The following UGT1A7 variants were observed in gnomAD, a reference collection of about 807,000 sequenced individuals.
UGT1A7 encodes the protein UDP-glucuronosyltransferase 1A7.
Under a neutral mutation model 45.6 loss-of-function variants are expected in UGT1A7, and 33 were observed. The observed-to-expected ratio is 0.72, with a 90% CI of 0.55 to 0.97. The LOEUF (loss-of-function observed/expected upper bound fraction) is 0.97, where lower values mean the gene tolerates loss of function less well. Among genes scored for constraint, UGT1A7 ranks in the 50% least tolerant of loss-of-function variants. UGT1A7 has a pLI of 0.00. For missense variants in UGT1A7, 684 were observed against 666.2 expected (o/e 1.03, Z -0.29); for synonymous variants, 274 against 250.6 (o/e 1.09, Z -0.88).
intron 1 of UGT1A7, among the ~76,000 whole-genome samples, chr2:233,748,454 G>C (rs780753495): frequency 1.7e-4 from 26 of 151,822 alleles, no homozygotes; most frequent in Non-Finnish European, 3.7e-4. Flanking sequence ...ATTTTCAGGG[G>C]AAAGATGATG....
chr2:233,755,298 C>T (rs1354075673), intron 1 of UGT1A7: 3 of 620,036 alleles, frequency 4.8e-6, no homozygotes, highest in Non-Finnish European at 7.5e-6. Context: ...CTGCGGGGCA[C>T]TGGCACAGCG....
chr2:233,733,733 C>T (rs1439271515), intron 1 of UGT1A7, among the ~76,000 whole-genome samples: 1 of 152,152 alleles, frequency 6.6e-6, no homozygotes, highest in Non-Finnish European at 1.5e-5. Flanking sequence ...ATTTTTGCAT[C>T]GATGTTCATC....
intron 1 of UGT1A7, among the ~76,000 whole-genome samples, chr2:233,727,388 C>T (rs1479838653): frequency 6.6e-6 from 1 of 152,174 alleles, no homozygotes; most frequent in Admixed American, 6.5e-5. Flanking sequence ...GTACCACCGT[C>T]TTCCAAGATA....
chr2:233,760,170 G>C (rs1168690539), intron 1 of UGT1A7: 1 of 1,531,450 alleles, frequency 6.5e-7, no homozygotes, highest in Non-Finnish European at 8.8e-7. Context: ...TTTGTGGACT[G>C]ACAGCTTTTT....
At chr2:233,747,347 G>A (rs1693638720) in intron 1 of UGT1A7, 5 of 1,603,376 alleles carry the variant, frequency 3.1e-6, no homozygotes, top group Non-Finnish European at 4.3e-6. Context: ...CTCGCATGCG[G>A]GAGGCCGTGC....
chr2:233,682,089 G>A lies in UGT1A7; in HGVS notation c.152G>A (p.Arg51Lys). 2 of 1,614,054 alleles carry A rather than the reference G, an allele frequency of 1.2e-6. No individual in the cohort carries two copies. Among genetic ancestry groups the A allele is most frequent in the South Asian group, 2.2e-5 (2 of 91,084 alleles). ...TCGGTGGTGGAGAAACTCATCCTCA[G>A]GGGGCATGAGGTGGTCGTAGTCATG... ...MQSVVEKLIL[R>K]GHEVVVVMPE... Residue 51 changes from arginine (R) to lysine (K), a missense_variant, in exon 1 of 5, where the codon AGG becomes AAG. By Grantham distance (26) the Arg-to-Lys change is conservative. Coordinates refer to ENST00000373426, the MANE Select transcript of UGT1A7 (RefSeq NM_019077.3).
chr2:233,765,890 G>A lies in UGT1A7; in HGVS notation c.856-1144G>A, dbSNP rs114846960. ...CGGGAGGGGCTCACTTTCTCAGTGC[G>A]CCACTGCTCAAACCTCTAGGGGAGC... On this transcript the variant is annotated intron_variant, in intron 1 of 4. Coordinates refer to ENST00000373426, the MANE Select transcript of UGT1A7 (RefSeq NM_019077.3). Among the ~76,000 whole-genome samples, 153 of 152,130 alleles carry A rather than the reference G, an allele frequency of 1.0e-3. 1 individual carries two copies. The highest frequency in any genetic ancestry group is 3.4e-3 in the African/African-American group (143 of 41,508).
chr2:233,768,083 C>A, intron 3 of UGT1A7, 137 bp from the exon 4 acceptor site: 1 of 1,591,312 alleles, frequency 6.3e-7, no homozygotes, highest in Non-Finnish European at 8.6e-7. Flanking sequence ...GGTATCTCAA[C>A]CCACATTTTC....
At chr2:233,703,913 C>T (rs1307467754) in intron 1 of UGT1A7, among the ~76,000 whole-genome samples, 1 of 150,364 alleles carries the variant, frequency 6.7e-6, no homozygotes, top group Non-Finnish European at 1.5e-5. Context: ...TTTTTTGAGA[C>T]AAAATCTCAT....
intron 1 of UGT1A7, among the ~76,000 whole-genome samples, chr2:233,732,958 C>G (rs75520741): frequency 0.048 from 7,267 of 152,142 alleles, 252 homozygotes; most frequent in East Asian, 0.16. Flanking sequence ...AATGTTCTTC[C>G]ATTTGTTTGT....
At chr2:233,720,555 T>C (rs1276086879) in intron 1 of UGT1A7, among the ~76,000 whole-genome samples, 1 of 152,144 alleles carries the variant, frequency 6.6e-6, no homozygotes, top group Non-Finnish European at 1.5e-5. Flanking sequence ...CAAGTTTCTA[T>C]AGTGGGATCT....
intron 1 of UGT1A7, chr2:233,755,329 C>G (rs1159047004): frequency 4.3e-6 from 2 of 468,526 alleles, no homozygotes; most frequent in African/African-American, 2.0e-5. Flanking sequence ...CTGCCAGCAC[C>G]CGCGCACAGG....
At chr2:233,766,900 T>A (rs1336240432) in intron 1 of UGT1A7, 134 bp from the exon 2 acceptor site, 2 of 1,488,982 alleles carry the variant, frequency 1.3e-6, no homozygotes, top group Admixed American at 4.8e-5. Flanking sequence ...ATATTAATAA[T>A]TTTTTACTCT....
chr2:233,685,495 G>T (rs997076638), intron 1 of UGT1A7, among the ~76,000 whole-genome samples: 4 of 152,164 alleles, frequency 2.6e-5, no homozygotes, highest in African/African-American at 9.7e-5. Context: ...CTGGGATGTG[G>T]TTACAGCAAG....
At chr2:233,713,549 GT>G (rs1302335966) in intron 1 of UGT1A7, 3 of 1,613,868 alleles carry the variant, frequency 1.9e-6, no homozygotes, top group Non-Finnish European at 2.5e-6. Context: ...AGGGCACACA[GT>G]GTCCAAACCC....
intron 1 of UGT1A7, among the ~76,000 whole-genome samples, chr2:233,724,349 A>T (rs1243720800): frequency 1.6e-5 from 2 of 126,414 alleles, no homozygotes; most frequent in Admixed American, 7.8e-5. Flanking sequence ...GACCCCCCCC[A>T]CCTCCCTCCC....
At chr2:233,703,677 A>AT (rs1271383463) in intron 1 of UGT1A7, among the ~76,000 whole-genome samples, 3 of 151,838 alleles carry the variant, frequency 2.0e-5, no homozygotes, top group Non-Finnish European at 4.4e-5. Flanking sequence ...TTCATGATAT[A>AT]TTTTTTTTCC....
chr2:233,685,188 TA>T (rs1428567524), intron 1 of UGT1A7, among the ~76,000 whole-genome samples: 7 of 152,116 alleles, frequency 4.6e-5, no homozygotes, highest in Admixed American at 4.6e-4. Context: ...AGGAGAACAT[TA>T]AAACGGTTTT....
Position 233,747,423 on chromosome 2 carries a change from C to G in UGT1A7, c.856-19611C>G, listed in dbSNP as rs561242685. On this transcript the variant is annotated intron_variant, in intron 1 of 4. Transcript: ENST00000373426. ...CCCAGAGGTGAATATGCACATCAAACAAGAGAAATTTTTCACCCTGACAAC... is the reference window on the plus strand; with the variant it reads ...CCCAGAGGTGAATATGCACATCAAAGAAGAGAAATTTTTCACCCTGACAAC... 6.8e-5 allele frequency: 110 copies of G among 1,608,258 alleles called. 1 individual carries two copies. The highest frequency in any genetic ancestry group is 8.9e-5 in the East Asian group (4 of 44,854).
Sources: gnomAD v4.1 joint callset for allele counts (sites outside exome capture counted in the v4.1 genomes callset) on GRCh38, gnomAD v4.1.1 for gene constraint, MANE v1.5 for transcripts, NCBI Gene and HGNC (gene_info 2026-07-23, HGNC 2026-07-21) for gene names.